The following PTPRD variants were observed in gnomAD, a reference collection of about 807,000 sequenced individuals.
The protein encoded by PTPRD is protein tyrosine phosphatase receptor type D.
PTPRD carries 34 observed loss-of-function variants against 214.5 expected under a neutral mutation model. The observed-to-expected ratio is 0.16, with a 90% CI of 0.12 to 0.21. The LOEUF (loss-of-function observed/expected upper bound fraction) is 0.21, where lower values mean the gene tolerates loss of function less well. PTPRD is among the 10% of genes least tolerant of loss of function. The probability of loss-of-function intolerance (pLI) is 1.00; values close to 1 mark genes in which losing one functional copy is unlikely to be tolerated. For missense variants in PTPRD, 2,545 were observed against 2,398.7 expected (o/e 1.06, Z -1.27); for synonymous variants, 1,128 against 845.7 (o/e 1.33, Z -5.79).
At chr9:8,430,334 A>T (rs2094958889) in intron 35 of PTPRD, among the ~76,000 whole-genome samples, 1 of 151,570 alleles carries the variant, frequency 6.6e-6, no homozygotes, top group Non-Finnish European at 1.5e-5. Flanking sequence ...CAGTGACATG[A>T]TCTCAGCTCA....
chr9:9,239,421 A>C (rs1474378462), intron 9 of PTPRD, among the ~76,000 whole-genome samples: 2 of 152,124 alleles, frequency 1.3e-5, no homozygotes, highest in African/African-American at 4.8e-5. Context: ...GTGTCTCCTA[A>C]ATGTTTTAAG....
At chr9:10,390,699 G>T (rs2098043025) in intron 2 of PTPRD, among the ~76,000 whole-genome samples, 1 of 151,486 alleles carries the variant, frequency 6.6e-6, no homozygotes, top group South Asian at 2.1e-4. Flanking sequence ...GCAAGAAAGG[G>T]GCTCTCTGAG....
chr9:8,681,253 C>A (rs1199046257), intron 12 of PTPRD, among the ~76,000 whole-genome samples: 1 of 152,074 alleles, frequency 6.6e-6, no homozygotes, highest in Non-Finnish European at 1.5e-5. Context: ...ATGGTAAAGT[C>A]CGTATAACCA....
intron 3 of PTPRD, among the ~76,000 whole-genome samples, chr9:10,156,080 GT>G (rs2099091094): frequency 7.4e-5 from 1 of 13,548 alleles, no homozygotes; most frequent in African/African-American, 2.3e-4. Flanking sequence ...TTGAATGTTT[GT>G]GTGTGTGTGT....
intron 7 of PTPRD, among the ~76,000 whole-genome samples, chr9:9,673,718 A>AG (rs2096874465): frequency 6.6e-6 from 1 of 151,534 alleles, no homozygotes; most frequent in Admixed American, 6.6e-5. Flanking sequence ...AAGACAATTT[A>AG]GAAAAAAAAA....
chr9:9,037,590 C>G (rs550340808), intron 10 of PTPRD, among the ~76,000 whole-genome samples: 4 of 152,208 alleles, frequency 2.6e-5, no homozygotes, highest in Non-Finnish European at 5.9e-5. Context: ...GATTCTTTAC[C>G]AGGAGAGATC....
intron 4 of PTPRD, among the ~76,000 whole-genome samples, chr9:9,978,037 A>G (rs1299075687): frequency 6.6e-6 from 1 of 152,134 alleles, no homozygotes; most frequent in African/African-American, 2.4e-5. Flanking sequence ...CTATCAAAGT[A>G]TAACTTTTCT....
chr9:9,590,305 TACTA>T (rs1257837824), intron 7 of PTPRD, among the ~76,000 whole-genome samples: 1 of 152,070 alleles, frequency 6.6e-6, no homozygotes, highest in Non-Finnish European at 1.5e-5. Flanking sequence ...TTGCTCCCTT[TACTA>T]ATATATCCAA....
chr9:9,985,182 G>A (rs183494096), intron 4 of PTPRD, among the ~76,000 whole-genome samples: 3 of 152,270 alleles, frequency 2.0e-5, no homozygotes, highest in Non-Finnish European at 4.4e-5. Flanking sequence ...CTCCAATAAG[G>A]TCTGAACCCC....
rs560676003 is a variant in PTPRD, at chr9:9,994,734, A to C, written c.-472+38984T>G. On this transcript the variant is annotated intron_variant, in intron 4 of 45. Transcript: ENST00000381196. ...CACAAAACATATTTACAATTGAACA[A>C]ATGTTTAGCTAAAATATTTATCAAT... is the stretch of plus-strand genomic sequence containing the variant. Among the ~76,000 whole-genome samples the C allele has an allele frequency of 2.0e-5, 3 of 152,176 alleles. No homozygotes were observed. The South Asian group carries it at 6.2e-4, about 31-fold the overall frequency.
chr9:8,969,703 G>A (rs974458739), intron 11 of PTPRD, among the ~76,000 whole-genome samples: 1 of 151,858 alleles, frequency 6.6e-6, no homozygotes, highest in Non-Finnish European at 1.5e-5. Flanking sequence ...TAAATGGATG[G>A]ATCGATGGGT....
chr9:9,370,371 C>A (rs1156954119), intron 9 of PTPRD, among the ~76,000 whole-genome samples: 1 of 151,904 alleles, frequency 6.6e-6, no homozygotes, highest in African/African-American at 2.4e-5. Flanking sequence ...CTCTTTGAAG[C>A]AACTGTGAAT....
chr9:9,497,637 TGTTAGAA>T (rs763849821), intron 8 of PTPRD, among the ~76,000 whole-genome samples: 7 of 152,172 alleles, frequency 4.6e-5, no homozygotes, highest in Non-Finnish European at 7.4e-5. Context: ...TGTAGATGAC[TGTTAGAA>T]GTTATCTCAA....
At chr9:10,515,249 A>G (rs1445641999) in intron 2 of PTPRD, among the ~76,000 whole-genome samples, 1 of 151,974 alleles carries the variant, frequency 6.6e-6, no homozygotes, top group African/African-American at 2.4e-5. Flanking sequence ...TCAGACACCA[A>G]TTCTCATGAA....
intron 8 of PTPRD, among the ~76,000 whole-genome samples, chr9:9,547,628 T>G (rs2079105061): frequency 6.6e-6 from 1 of 152,066 alleles, no homozygotes; most frequent in African/African-American, 2.4e-5. Flanking sequence ...TGACATGCCA[T>G]AGGATATCTG....
At chr9:9,484,004 A>C (rs1297258550) in intron 8 of PTPRD, among the ~76,000 whole-genome samples, 1 of 151,948 alleles carries the variant, frequency 6.6e-6, no homozygotes, top group Non-Finnish European at 1.5e-5. Flanking sequence ...ATAGTATTTT[A>C]CTATCTTCTA....
At chr9:10,222,991 G>T (rs1482413961) in intron 3 of PTPRD, among the ~76,000 whole-genome samples, 1 of 152,020 alleles carries the variant, frequency 6.6e-6, no homozygotes, top group Non-Finnish European at 1.5e-5. Flanking sequence ...CAGAGGGAAA[G>T]AAGTGAAAGA....
At chr9:8,873,804 A>G (rs888173260) in intron 11 of PTPRD, among the ~76,000 whole-genome samples, 14 of 152,168 alleles carry the variant, frequency 9.2e-5, no homozygotes, top group Non-Finnish European at 1.6e-4. Context: ...GTGACAGGAA[A>G]TGAAGAGAGG....
At chr9:9,501,077 G>C (rs149588362) in intron 8 of PTPRD, among the ~76,000 whole-genome samples, 2 of 151,658 alleles carry the variant, frequency 1.3e-5, no homozygotes, top group African/African-American at 4.8e-5. Context: ...CAATTCAGGA[G>C]AGGAAAAACA....
Sources: allele counts gnomAD v4.1 joint callset (sites outside exome capture counted in the v4.1 genomes callset), GRCh38; gene constraint gnomAD v4.1.1; transcripts MANE v1.5; gene names NCBI Gene and HGNC (gene_info 2026-07-23, HGNC 2026-07-21).